TAFA3: variants seen among roughly 807,000 people sequenced by gnomAD.
TAFA3 encodes TAFA chemokine like family member 3, also known as chemokine-like protein TAFA-3.
In TAFA3, 17 loss-of-function variants were observed where a neutral mutation model predicts 20.7. That is an observed-to-expected ratio of 0.82 (90% CI 0.56 to 1.23). The LOEUF is 1.23. Among genes scored for constraint, TAFA3 ranks in the 50% most tolerant of loss-of-function variants. The pLI is 0.00. For synonymous variants in TAFA3, 74 were observed against 71.8 expected (o/e 1.03, Z -0.16); for missense variants, 174 against 172.8 (o/e 1.01, Z -0.04).
At chr1:112,721,744 C>T (rs781642647) in intron 2 of TAFA3, among the ~76,000 whole-genome samples, 22 of 152,208 alleles carry the variant, frequency 1.4e-4, no homozygotes, top group Non-Finnish European at 5.9e-5. Flanking sequence ...TTACAGCTAT[C>T]TGGATGGGAC....
chr1:112,722,886 C>T (rs1009944769), intron 3 of TAFA3, 130 bp from the exon 4 acceptor site: 38 of 1,180,006 alleles, frequency 3.2e-5, no homozygotes, highest in Non-Finnish European at 4.4e-5. Context: ...ACTTCCTCCT[C>T]CCCTGCCACT....
rs1008561464 is a variant in TAFA3 at position 112,719,090 on chromosome 1, G to C, written c.-269G>C. On this transcript the variant is annotated 5_prime_UTR_variant, in exon 1 of 6. Transcript: ENST00000361886. Reference sequence around the variant, plus strand: ...CAGAGCTCCCCTGTGCCCAGAGCCCGGCCCGCCCTGCGGATGATGCCAACC... The same window carrying C: ...CAGAGCTCCCCTGTGCCCAGAGCCCCGCCCGCCCTGCGGATGATGCCAACC... 1.3e-5 allele frequency among the ~76,000 whole-genome samples: 2 copies of C among 152,208 alleles called. No individual in the cohort carries two copies. Among genetic ancestry groups the C allele is most frequent in the Admixed American group, 1.3e-4 (2 of 15,288 alleles).
chr1:112,726,914 T>G lies in TAFA3; in HGVS notation c.*274T>G. The G allele has an allele frequency of 1.9e-6, 1 of 512,894 alleles. No individual in the cohort carries two copies. Among genetic ancestry groups the G allele is most frequent in the Admixed American group, 3.5e-5 (1 of 28,336 alleles). 31.8% of individuals were successfully genotyped at this position (512,894 alleles called of 1,614,324 possible). On this transcript the variant is annotated 3_prime_UTR_variant, in exon 6 of 6. Coordinates refer to ENST00000361886, the MANE Select transcript of TAFA3 (RefSeq NM_182759.3). ...ATGTCCAGTTGAATTGGAGAGTTGA[T>G]GACAGACAATTTAGATAATTTAGGT...
chr1:112,726,740 T>A lies in TAFA3; in HGVS notation c.*100T>A. 1 of 1,573,522 alleles carries A rather than the reference T, an allele frequency of 6.4e-7. No individual in the cohort carries two copies. Among genetic ancestry groups the A allele is most frequent in the Admixed American group, 1.7e-5 (1 of 59,818 alleles). On this transcript the variant is annotated 3_prime_UTR_variant, in exon 6 of 6. Transcript: ENST00000361886. The stretch of plus-strand genomic sequence containing the variant: ...CAGGAAAGATGGGGATTCACTTACA[T>A]GCCTCATGTCAAATGCAGCATCAGT...
chr1:112,720,128 G>C (rs1177832317), intron 1 of TAFA3, among the ~76,000 whole-genome samples: 1 of 152,120 alleles, frequency 6.6e-6, no homozygotes, highest in South Asian at 2.1e-4. Flanking sequence ...GTGAGTCCAG[G>C]AAGCAGGTGC....
chr1:112,725,875 A>C (rs1675458817), intron 5 of TAFA3, among the ~76,000 whole-genome samples: 1 of 152,212 alleles, frequency 6.6e-6, no homozygotes, highest in African/African-American at 2.4e-5. Flanking sequence ...GCGGTGGCTC[A>C]TGCCTGTAAT....
At chr1:112,721,922 C>T (rs1389599259) in intron 2 of TAFA3, among the ~76,000 whole-genome samples, 2 of 152,178 alleles carry the variant, frequency 1.3e-5, no homozygotes, top group Non-Finnish European at 2.9e-5. Context: ...ATGTGAAGTG[C>T]TGGAACCAAG....
At chr1:112,725,141 AATACCAC>A in intron 5 of TAFA3, among the ~76,000 whole-genome samples, 1 of 152,328 alleles carries the variant, frequency 6.6e-6, no homozygotes, top group Middle Eastern at 3.4e-3. Context: ...CGGAAAATCA[AATACCAC>A]ATGTTCTCAC....
chr1:112,724,201 G>A, intron 5 of TAFA3, 64 bp downstream of exon 5: 3 of 1,413,550 alleles, frequency 2.1e-6, no homozygotes, highest in South Asian at 1.4e-5. Context: ...AGAAAAGGGG[G>A]CACAGGAGCC....
At chr1:112,723,258 A>G (rs890445212) in intron 4 of TAFA3, 93 bp downstream of exon 4, 3 of 1,450,806 alleles carry the variant, frequency 2.1e-6, no homozygotes, top group Non-Finnish European at 2.7e-6. Context: ...ACAATTTCAT[A>G]CCCGTCTCAG....
intron 3 of TAFA3, 101 bp from the exon 4 acceptor site, chr1:112,722,915 C>T: frequency 1.4e-6 from 2 of 1,430,860 alleles, no homozygotes; most frequent in Non-Finnish European, 1.9e-6. Context: ...CTTCCATAGC[C>T]CTCCCTGCAG....
Position 112,726,775 on chromosome 1 carries a change from G to A in TAFA3, c.*135G>A. 2 of 1,397,360 alleles carry A rather than the reference G, an allele frequency of 1.4e-6. No individual in the cohort carries two copies. The allele number at this position is 1,397,360 out of a possible 1,614,324, so 86.6% of individuals were successfully genotyped here. On this transcript the variant is annotated 3_prime_UTR_variant, in exon 6 of 6. Coordinates refer to ENST00000361886, the MANE Select transcript of TAFA3 (RefSeq NM_182759.3). ...CAAATGCAGCATCAGTCTTTCCGGG[G>A]CATTTCAGTTAAGCTGCTCAGCAGA...
Position 112,724,004 on chromosome 1 carries a change from C to T in TAFA3, c.266-9C>T. ...CCCTAGAGCTGCACTCCGCCTCCTGCTCCCACAGCCTCCATCGTCCTGCAG... is the reference window on the plus strand; with the variant it reads ...CCCTAGAGCTGCACTCCGCCTCCTGTTCCCACAGCCTCCATCGTCCTGCAG... On this transcript the variant is annotated splice_polypyrimidine_tract_variant and intron_variant, in intron 4 of 5. Transcript: ENST00000361886. The T allele has an allele frequency of 6.2e-7, 1 of 1,613,952 alleles. No homozygotes were observed. Among genetic ancestry groups the T allele is most frequent in the Non-Finnish European group, 8.5e-7 (1 of 1,179,942 alleles).
At chr1:112,722,526 T>C (rs2101497355) in intron 3 of TAFA3, among the ~76,000 whole-genome samples, 178 bp downstream of exon 3, 1 of 152,084 alleles carries the variant, frequency 6.6e-6, no homozygotes, top group East Asian at 1.9e-4. Context: ...ACCCCAGCTG[T>C]CCCGCCCCAG....
chr1:112,723,598 C>CCCCATA (rs1391495163), intron 4 of TAFA3, among the ~76,000 whole-genome samples: 1 of 152,154 alleles, frequency 6.6e-6, no homozygotes, highest in African/African-American at 2.4e-5. Flanking sequence ...TCATTTGGCA[C>CCCCATA]CCCATACACA....
intron 5 of TAFA3, among the ~76,000 whole-genome samples, chr1:112,725,416 CAT>C (rs1675445947): frequency 7.8e-6 from 1 of 128,986 alleles, no homozygotes; most frequent in African/African-American, 3.0e-5. Flanking sequence ...AAAAAAAAAA[CAT>C]AGTCGAGAAT....
At chr1:112,721,658 T>G (rs1296537579) in intron 2 of TAFA3, among the ~76,000 whole-genome samples, 1 of 152,212 alleles carries the variant, frequency 6.6e-6, no homozygotes, top group Non-Finnish European at 1.5e-5. Flanking sequence ...CTTTGCTTTT[T>G]TTCCCCCTTA....
At chr1:112,722,596 TGA>T (rs1675355998) in intron 3 of TAFA3, among the ~76,000 whole-genome samples, 1 of 152,182 alleles carries the variant, frequency 6.6e-6, no homozygotes, top group South Asian at 2.1e-4. Flanking sequence ...TGTTCTGTAG[TGA>T]GAGAGGCCCT....
rs1419130991 is a variant in TAFA3, at chr1:112,719,309, A to AGGTGT, written c.-60+13_-60+17dup. 1.3e-5 allele frequency among the ~76,000 whole-genome samples: 2 copies of AGGTGT among 152,180 alleles called. No individual in the cohort carries two copies. The highest frequency in any genetic ancestry group is 4.8e-5 in the African/African-American group (2 of 41,470). On this transcript the variant is annotated intron_variant, in intron 1 of 5. Coordinates refer to ENST00000361886, the MANE Select transcript of TAFA3 (RefSeq NM_182759.3). ...CATCACCGTGGACCAGGTAGGTCCC[A>AGGTGT]GGTGTGGGGGCTCAGAATGTGGAGG...
Sources: allele counts gnomAD v4.1 joint callset (sites outside exome capture counted in the v4.1 genomes callset), GRCh38; gene constraint gnomAD v4.1.1; transcripts MANE v1.5; gene names NCBI Gene and HGNC (gene_info 2026-07-23, HGNC 2026-07-21).